SEL1L: variants seen among roughly 807,000 people sequenced by gnomAD.
SEL1L encodes the protein protein sel-1 homolog 1.
A neutral mutation model predicts 109.8 loss-of-function variants in SEL1L; 52 were observed. The observed-to-expected ratio is 0.47, with a 90% CI of 0.38 to 0.60. The LOEUF (loss-of-function observed/expected upper bound fraction) is 0.60, where lower values mean the gene tolerates loss of function less well. Among genes scored for constraint, SEL1L ranks in the 20% least tolerant of loss-of-function variants. The pLI, the probability that SEL1L is intolerant of heterozygous loss-of-function variation, is 0.00. For missense variants in SEL1L, 749 were observed against 962.2 expected, an observed-to-expected ratio of 0.78 and a Z score of 2.93; for synonymous variants, 373 against 339.6, an observed-to-expected ratio of 1.10 and a Z score of -1.08.
At chr14:81,496,909 G>GT (rs1266502261) in intron 10 of SEL1L, among the ~76,000 whole-genome samples, 2 of 152,016 alleles carry the variant, frequency 1.3e-5, no homozygotes, top group African/African-American at 4.8e-5. Context: ...AGTGCTCATC[G>GT]TACCAGACTT....
rs778719159 is a variant in SEL1L at position 81,487,419 on chromosome 14, C to T, written c.1603G>A (p.Val535Met). 10 of 1,599,240 alleles carry T rather than the reference C, an allele frequency of 6.3e-6. No individual in the cohort carries two copies. The highest frequency in any genetic ancestry group is 2.2e-5 in the East Asian group (1 of 44,760). ...LAQMHASGTG[V>M]MRSCHTAVEL... ...ACTGCAGTGTGACATGATCGCATCA[C>T]GCCGGTGCCACTGGCATGCATCTGA... Residue 535 changes from valine (V) to methionine (M), a missense_variant, in exon 16 of 21, where the codon GTG becomes ATG. Physicochemically the swap from Val to Met is conservative, Grantham distance 21. This residue lies in a region of SEL1L where 383 missense variants were observed against 562.5 expected (regional missense o/e 0.68). Transcript: ENST00000336735.
At chr14:81,510,649 C>T (rs1260614562) in intron 3 of SEL1L, among the ~76,000 whole-genome samples, 1 of 151,914 alleles carries the variant, frequency 6.6e-6, no homozygotes, top group Non-Finnish European at 1.5e-5. Context: ...TTTAGCTTTG[C>T]AAATTTCTCA....
chr14:81,472,912 A>C lies in SEL1L; in HGVS notation c.*4060T>G. The C allele has an allele frequency of 5.2e-6, 1 of 193,470 alleles. No individual in the cohort carries two copies. The highest frequency in any genetic ancestry group is 8.7e-5 in the South Asian group (1 of 11,498). 12.0% of individuals were successfully genotyped at this position (193,470 alleles called of 1,614,324 possible). On this transcript the variant is annotated 3_prime_UTR_variant, in exon 21 of 21. Coordinates refer to ENST00000336735, the MANE Select transcript of SEL1L (RefSeq NM_005065.6). ...GTGCTTGGTTGTGGTATATTACAGC[A>C]TACAGGATAACCAGAGGTGGAATCT...
intron 19 of SEL1L, 106 bp downstream of exon 19, chr14:81,484,119 C>T: frequency 8.5e-7 from 1 of 1,175,350 alleles, no homozygotes; most frequent in Non-Finnish European, 1.2e-6. Context: ...AATTTAGTGG[C>T]CTGAAATCCA....
rs191636469 is a variant in SEL1L, at chr14:81,514,548, G to A, written c.341-8307C>T. Among the ~76,000 whole-genome samples the A allele has an allele frequency of 1.9e-3, 292 of 152,294 alleles. 1 individual carries two copies. The highest frequency in any genetic ancestry group is 3.3e-3 in the Non-Finnish European group (223 of 68,026). On this transcript the variant is annotated intron_variant, in intron 3 of 20. Transcript: ENST00000336735. ...CAAGAGTGCAGGATTTTGAGAATGC[G>A]TTGGTAAGGGCCACTAAATCCAATC...
chr14:81,492,925 G>T (rs1420257812), intron 11 of SEL1L, among the ~76,000 whole-genome samples: 1 of 152,128 alleles, frequency 6.6e-6, no homozygotes, highest in Middle Eastern at 3.2e-3. Context: ...CTGGGAGAAA[G>T]GAAAAACTAG....
At chr14:81,526,438 T>C (rs1045462292) in intron 3 of SEL1L, among the ~76,000 whole-genome samples, 1 of 152,166 alleles carries the variant, frequency 6.6e-6, no homozygotes, top group Non-Finnish European at 1.5e-5. Flanking sequence ...TTTTTTTAAA[T>C]TTCTCAGTGA....
chr14:81,488,000 T>TA, intron 14 of SEL1L, 58 bp from the exon 15 acceptor site: 1 of 1,299,098 alleles, frequency 7.7e-7, no homozygotes, highest in Non-Finnish European at 1.1e-6. Context: ...ACTCAAAAGT[T>TA]AAGAGATTTA....
At chr14:81,533,547 T>C in intron 1 of SEL1L, 128 bp downstream of exon 1, 1 of 846,290 alleles carries the variant, frequency 1.2e-6, no homozygotes, top group Admixed American at 2.3e-5. Context: ...AAAGAGCGAG[T>C]GACAGCCCAG....
intron 17 of SEL1L, 135 bp downstream of exon 17, chr14:81,486,154 T>C: frequency 1.2e-6 from 1 of 861,172 alleles, no homozygotes; most frequent in Non-Finnish European, 1.8e-6. Context: ...ATTAATAACT[T>C]AAGCCTGTGT....
chr14:81,492,678 C>G, intron 11 of SEL1L, 130 bp from the exon 12 acceptor site: 1 of 594,778 alleles, frequency 1.7e-6, no homozygotes, highest in South Asian at 2.4e-5. Context: ...ACAAGAATAC[C>G]CAGTTGCCAA....
intron 17 of SEL1L, 28 bp from the exon 18 acceptor site, chr14:81,485,774 C>T (rs1199562585): frequency 8.1e-6 from 13 of 1,601,082 alleles, no homozygotes; most frequent in Non-Finnish European, 1.0e-5. Flanking sequence ...AAATACAAAT[C>T]AGGCATTTAA....
intron 11 of SEL1L, among the ~76,000 whole-genome samples, chr14:81,493,735 T>A (rs1430551335): frequency 6.6e-6 from 1 of 152,160 alleles, no homozygotes; most frequent in African/African-American, 2.4e-5. Context: ...AGACAGCTCA[T>A]CAAGGCCAGT....
chr14:81,483,615 T>C (rs2139987726), intron 19 of SEL1L, among the ~76,000 whole-genome samples: 1 of 152,322 alleles, frequency 6.6e-6, no homozygotes, highest in South Asian at 2.1e-4. Context: ...GGTAAGTGGG[T>C]ATTAAATTAT....
rs972238874 is a variant in SEL1L, at chr14:81,504,117, G to A, written c.614+84C>T. 5 of 762,976 alleles carry A rather than the reference G, an allele frequency of 6.6e-6. No individual in the cohort carries two copies. The African/African-American group carries it at 9.1e-5, about 14-fold the overall frequency. 47.3% of individuals were successfully genotyped at this position (762,976 alleles called of 1,614,324 possible). ...AAAAAAATCTTCTGCGTCTCTGGCA[G>A]TGCACTTTTTAAAGAATGTAGTTGC... On this transcript the variant is annotated intron_variant, in intron 5 of 20. Coordinates refer to ENST00000336735, the MANE Select transcript of SEL1L (RefSeq NM_005065.6).
At position 81,474,642 on chromosome 14, in the gene SEL1L, G is replaced by A. The variant is rs1055596089; in HGVS notation, c.*2330C>T. ...TATTTGCTTAGGTACCATGTCCCAT[G>A]AACAAAAAAGAAGAAGAGAGCAAAG... On this transcript the variant is annotated 3_prime_UTR_variant, in exon 21 of 21. Coordinates refer to ENST00000336735, the MANE Select transcript of SEL1L (RefSeq NM_005065.6). 1.3e-5 allele frequency: 2 copies of A among 152,004 alleles called. No homozygotes were observed. Among genetic ancestry groups the A allele is most frequent in the Admixed American group, 6.6e-5 (1 of 15,266 alleles). The allele number at this position is 152,004 out of a possible 1,614,324, so 9.4% of individuals were successfully genotyped here. A position where few individuals can be genotyped will look rare whatever the true frequency, so the allele number is the denominator to read the frequency against.
chr14:81,475,211 T>C lies in SEL1L; in HGVS notation c.*1761A>G, dbSNP rs1250048500. On this transcript the variant is annotated 3_prime_UTR_variant, in exon 21 of 21. Coordinates refer to ENST00000336735, the MANE Select transcript of SEL1L (RefSeq NM_005065.6). ...AAACAAGTCTCACTATTTACAAGAG[T>C]TGCCTAAAGCAACATTACACTTAGG... is the stretch of plus-strand genomic sequence containing the variant. 6.6e-6 allele frequency: 1 copy of C among 152,028 alleles called. No homozygotes were observed. 9.4% of individuals were successfully genotyped at this position (152,028 alleles called of 1,614,324 possible).
At chr14:81,503,068 T>C (rs867454584) in intron 5 of SEL1L, among the ~76,000 whole-genome samples, 185 bp from the exon 6 acceptor site, 6 of 152,134 alleles carry the variant, frequency 3.9e-5, no homozygotes, top group Middle Eastern at 3.2e-3. Flanking sequence ...TCTCGGTTCA[T>C]TGCAACCTCC....
Position 81,476,413 on chromosome 14 carries a change from GA to G in SEL1L, c.*558del, listed in dbSNP as rs1356245472. 1.3e-5 allele frequency: 2 copies of G among 151,984 alleles called. No individual in the cohort carries two copies. The highest frequency in any genetic ancestry group is 4.8e-5 in the African/African-American group (2 of 41,322). 9.4% of individuals were successfully genotyped at this position (151,984 alleles called of 1,614,324 possible). The stretch of plus-strand genomic sequence containing the variant: ...TCCCTTTTAAAATAACAAATATGCT[GA>G]ATATGTCTAATTGCATGTGGACTGG... On this transcript the variant is annotated 3_prime_UTR_variant, in exon 21 of 21. Transcript: ENST00000336735.
Sources: gnomAD v4.1 joint callset for allele counts (sites outside exome capture counted in the v4.1 genomes callset) on GRCh38, gnomAD v4.1.1 for gene constraint, gnomAD v4.1.1 regional missense constraint, MANE v1.5 for transcripts, NCBI Gene and HGNC (gene_info 2026-07-23, HGNC 2026-07-21) for gene names.